MGMT: variants seen among roughly 807,000 people sequenced by gnomAD.
MGMT encodes methylated-DNA--protein-cysteine methyltransferase.
Under a neutral mutation model 15.9 loss-of-function variants are expected in MGMT, and 14 were observed. The observed-to-expected ratio is 0.88, with a 90% CI of 0.58 to 1.37. The LOEUF (loss-of-function observed/expected upper bound fraction) is 1.37, where lower values mean the gene tolerates loss of function less well. Ranked by LOEUF, MGMT falls within the 40% of genes most tolerant of loss-of-function variation. MGMT has a pLI of 0.00. For synonymous variants in MGMT, 130 were observed against 118.2 expected (o/e 1.10, Z -0.65); for missense variants, 282 against 268.1 (o/e 1.05, Z -0.36).
At chr10:129,700,850 C>A (rs1848090406) in intron 2 of MGMT, 1 of 152,206 alleles carries the variant, frequency 6.6e-6, no homozygotes. Flanking sequence ...TGCTAGAGAT[C>A]TCTAAATGGG....
intron 2 of MGMT, among the ~76,000 whole-genome samples, chr10:129,598,993 T>C (rs1589886798): frequency 6.6e-6 from 1 of 152,192 alleles, no homozygotes; most frequent in East Asian, 1.9e-4. Context: ...CCTTAGCAAT[T>C]GCTAATACCC....
chr10:129,619,092 G>A (rs1475348185), intron 2 of MGMT, among the ~76,000 whole-genome samples: 1 of 152,170 alleles, frequency 6.6e-6, no homozygotes, highest in Non-Finnish European at 1.5e-5. Flanking sequence ...GTATTTTACT[G>A]TTAAATATAA....
At chr10:129,560,989 G>GTGTGTGTGTGTGCGTGTGCA (rs1554911328) in intron 2 of MGMT, among the ~76,000 whole-genome samples, 7 of 149,792 alleles carry the variant, frequency 4.7e-5, no homozygotes, top group Non-Finnish European at 5.9e-5. Context: ...GTGTGTGTGT[G>GTGTGTGTGTGTGCGTGTGCA]TGTGTGTGTT....
At chr10:129,661,794 A>G (rs55892013) in intron 2 of MGMT, among the ~76,000 whole-genome samples, 4 of 152,366 alleles carry the variant, frequency 2.6e-5, no homozygotes, top group Non-Finnish European at 4.4e-5. Flanking sequence ...AAAAAGGACT[A>G]TCTTGACTTA....
chr10:129,575,801 G>T (rs1396781001), intron 2 of MGMT, among the ~76,000 whole-genome samples: 1 of 151,092 alleles, frequency 6.6e-6, no homozygotes, highest in African/African-American at 2.4e-5. Context: ...GACTAATAAA[G>T]AAGAAAAGAG....
intron 2 of MGMT, among the ~76,000 whole-genome samples, chr10:129,576,829 T>G (rs987326401): frequency 3.3e-5 from 5 of 152,166 alleles, no homozygotes; most frequent in African/African-American, 1.2e-4. Flanking sequence ...ATAAGCAACT[T>G]CAGCAAAGTC....
intron 2 of MGMT, among the ~76,000 whole-genome samples, chr10:129,689,641 G>A (rs778521039): frequency 2.1e-4 from 32 of 152,284 alleles, no homozygotes; most frequent in South Asian, 1.2e-3. Flanking sequence ...TTTCTTGGTC[G>A]ATTGTGCCAG....
At chr10:129,749,242 G>T (rs1848727532) in intron 3 of MGMT, among the ~76,000 whole-genome samples, 1 of 152,126 alleles carries the variant, frequency 6.6e-6, no homozygotes, top group Admixed American at 6.5e-5. Flanking sequence ...GTAACATGCA[G>T]AATAATTTTA....
At chr10:129,504,594 A>G (rs1011042523) in intron 1 of MGMT, among the ~76,000 whole-genome samples, 3 of 152,228 alleles carry the variant, frequency 2.0e-5, no homozygotes, top group Non-Finnish European at 4.4e-5. Flanking sequence ...TCCCACAACC[A>G]TTGTGACAAC....
intron 3 of MGMT, among the ~76,000 whole-genome samples, chr10:129,748,384 G>A (rs1848718160): frequency 1.3e-5 from 2 of 152,214 alleles, no homozygotes; most frequent in East Asian, 1.9e-4. Context: ...TCTCCTCATC[G>A]TGGTTTGACT....
In MGMT at chr10:129,767,233, C is replaced by T. The variant is rs1220382443; in HGVS notation, c.*236C>T. On this transcript the variant is annotated 3_prime_UTR_variant, in exon 5 of 5. Coordinates refer to ENST00000651593, the MANE Select transcript of MGMT (RefSeq NM_002412.5). Reference sequence around the variant, plus strand: ...TATTTTTCATGTCCATTAAAACAGGCCAAGTGAGTGTGGAAGGCCTGGCTC... The same window carrying T: ...TATTTTTCATGTCCATTAAAACAGGTCAAGTGAGTGTGGAAGGCCTGGCTC... 1 of 414,310 alleles carries T rather than the reference C, an allele frequency of 2.4e-6. No individual in the cohort carries two copies. Among genetic ancestry groups the T allele is most frequent in the Non-Finnish European group, 4.3e-6 (1 of 230,396 alleles). 25.7% of individuals were successfully genotyped at this position (414,310 alleles called of 1,614,324 possible). A position where few individuals can be genotyped will look rare whatever the true frequency, so the allele number is the denominator to read the frequency against.
In MGMT at chr10:129,556,496, C is replaced by T. The variant is rs963701014; in HGVS notation, c.125+20119C>T. ...TGCCTACACCTTGGGTTCAGACTTGCAGCACCCAGGCTGCAGGGCTTCGTC... is the reference window on the plus strand; with the variant it reads ...TGCCTACACCTTGGGTTCAGACTTGTAGCACCCAGGCTGCAGGGCTTCGTC... On this transcript the variant is annotated intron_variant, in intron 2 of 4. Coordinates refer to ENST00000651593, the MANE Select transcript of MGMT (RefSeq NM_002412.5). This position sits in a 1 kb window ranked among gnomAD's most constrained non-coding sequence, Gnocchi z 4.3. Among the ~76,000 whole-genome samples, 2 of 152,196 alleles carry T rather than the reference C, an allele frequency of 1.3e-5. No homozygotes were observed. Among genetic ancestry groups the T allele is most frequent in the African/African-American group, 2.4e-5 (1 of 41,450 alleles).
intron 2 of MGMT, among the ~76,000 whole-genome samples, chr10:129,549,825 T>C (rs1291244997): frequency 6.6e-6 from 1 of 152,190 alleles, no homozygotes; most frequent in African/African-American, 2.4e-5. Flanking sequence ...GTTACGGGGA[T>C]TGTTTGAATT....
intron 1 of MGMT, among the ~76,000 whole-genome samples, chr10:129,506,382 C>A (rs534574412): frequency 6.6e-6 from 1 of 152,230 alleles, no homozygotes; most frequent in South Asian, 2.1e-4. Flanking sequence ...CCATCTTGGA[C>A]CCCTTCTTCT....
chr10:129,585,733 G>A (rs777792675), intron 2 of MGMT, among the ~76,000 whole-genome samples: 6 of 152,120 alleles, frequency 3.9e-5, no homozygotes, highest in African/African-American at 7.2e-5. Context: ...GGTTGAGTCC[G>A]TGAGTCCGTG....
At chr10:129,539,172 T>C (rs1846017134) in intron 2 of MGMT, among the ~76,000 whole-genome samples, 1 of 152,224 alleles carries the variant, frequency 6.6e-6, no homozygotes, top group South Asian at 2.1e-4. Flanking sequence ...GTGTTCCCTG[T>C]AAGAAATATT....
chr10:129,731,942 T>C (rs1435956865), intron 3 of MGMT, among the ~76,000 whole-genome samples: 9 of 152,090 alleles, frequency 5.9e-5, no homozygotes, highest in Non-Finnish European at 8.8e-5. Context: ...AGAAAACTCT[T>C]TTGTCACCTG....
chr10:129,491,839 T>C (rs925006595), intron 1 of MGMT, among the ~76,000 whole-genome samples: 2 of 152,184 alleles, frequency 1.3e-5, no homozygotes, highest in African/African-American at 4.8e-5. Flanking sequence ...TTCCCACTTA[T>C]GTTGTCTGTC....
intron 2 of MGMT, among the ~76,000 whole-genome samples, chr10:129,698,981 A>C (rs1449742576): frequency 2.0e-5 from 3 of 152,258 alleles, no homozygotes; most frequent in African/African-American, 7.2e-5. Flanking sequence ...ACACAAGTGC[A>C]GTAAGCTTTT....
Sources: gnomAD v4.1 joint callset for allele counts (sites outside exome capture counted in the v4.1 genomes callset) on GRCh38, gnomAD v4.1.1 for gene constraint, Gnocchi (gnomAD v3.1) non-coding constraint, MANE v1.5 for transcripts, NCBI Gene and HGNC (gene_info 2026-07-23, HGNC 2026-07-21) for gene names.